Variants in GRIN2A observed in about 807,000 individuals in gnomAD.
GRIN2A encodes glutamate receptor ionotropic, NMDA 2A.
GRIN2A carries 22 observed loss-of-function variants against 113.4 expected under a neutral mutation model. That is an observed-to-expected ratio of 0.19 (90% CI 0.14 to 0.28). The LOEUF (loss-of-function observed/expected upper bound fraction) is 0.28. GRIN2A is among the 10% of genes least tolerant of loss of function. The pLI is 1.00. For synonymous variants in GRIN2A, 827 were observed against 738.4 expected, an observed-to-expected ratio of 1.12 and a Z score of -1.94; for missense variants, 1,502 against 1,887.0, an observed-to-expected ratio of 0.80 and a Z score of 3.78.
intron 7 of GRIN2A, among the ~76,000 whole-genome samples, chr16:9,835,999 T>G (rs1275351312): frequency 6.6e-6 from 1 of 152,232 alleles, no homozygotes; most frequent in African/African-American, 2.4e-5. Context: ...GAAATTTATT[T>G]TAACTTTAGC....
chr16:9,909,075 T>C (rs1175427873), intron 3 of GRIN2A, among the ~76,000 whole-genome samples: 2 of 152,150 alleles, frequency 1.3e-5, no homozygotes, highest in African/African-American at 4.8e-5. Flanking sequence ...AATGGACTTA[T>C]AATTCCATGT....
chr16:9,990,556 C>T (rs534686972), intron 2 of GRIN2A, among the ~76,000 whole-genome samples: 70 of 104,262 alleles, frequency 6.7e-4, no homozygotes, highest in South Asian at 1.6e-3. Context: ...CGCGCGCGCG[C>T]GCGCGCGCAC....
chr16:9,855,414 C>T (rs2042950937), intron 4 of GRIN2A, among the ~76,000 whole-genome samples: 1 of 152,152 alleles, frequency 6.6e-6, no homozygotes, highest in Non-Finnish European at 1.5e-5. Context: ...ATTTGTTAAA[C>T]TTATCTTCAG....
intron 2 of GRIN2A, among the ~76,000 whole-genome samples, chr16:10,044,018 TATATAGAG>T (rs2047214805): frequency 8.2e-6 from 1 of 121,384 alleles, no homozygotes; most frequent in Admixed American, 9.0e-5. Context: ...TATATATATA[TATATAGAG>T]AGAGAGAGAG....
intron 2 of GRIN2A, among the ~76,000 whole-genome samples, chr16:9,992,501 T>C (rs532365755): frequency 5.3e-5 from 8 of 152,328 alleles, no homozygotes; most frequent in African/African-American, 1.7e-4. Context: ...TATTTCTCAG[T>C]TCCCAAAGTT....
At chr16:10,147,146 G>T (rs1311550529) in intron 2 of GRIN2A, among the ~76,000 whole-genome samples, 1 of 152,054 alleles carries the variant, frequency 6.6e-6, no homozygotes, top group Non-Finnish European at 1.5e-5. Context: ...GTGTATGCCA[G>T]GCATAGTATT....
At chr16:10,150,550 C>A (rs779978171) in intron 2 of GRIN2A, among the ~76,000 whole-genome samples, 1 of 152,172 alleles carries the variant, frequency 6.6e-6, no homozygotes, top group Non-Finnish European at 1.5e-5. Flanking sequence ...TTTCCTCCCA[C>A]TTCCTATCTG....
intron 2 of GRIN2A, among the ~76,000 whole-genome samples, chr16:10,098,041 A>G (rs900569940): frequency 2.0e-4 from 31 of 152,176 alleles, no homozygotes; most frequent in Admixed American, 6.5e-4. Flanking sequence ...ACAACCATAC[A>G]TCCAAAGGAC....
intron 2 of GRIN2A, among the ~76,000 whole-genome samples, chr16:10,152,091 C>G (rs553052887): frequency 6.6e-6 from 1 of 152,302 alleles, no homozygotes; most frequent in African/African-American, 2.4e-5. Flanking sequence ...GCAGCAGCCA[C>G]CAGGGAAGCC....
Position 9,763,625 on chromosome 16 carries a change from G to T in GRIN2A, c.3919C>A (p.Pro1307Thr). ...DKPRELDLSR[P>T]SRSISLKDRE... ...TCCTTGAGGCTTATGCTCCGGGAGG[G>T]CCTGCTAAGGTCTAGCTCCCTAGGT... Residue 1307 changes from proline (P) to threonine (T), a missense_variant, in exon 13 of 13, where the codon CCC becomes ACC. Transcript: ENST00000330684. 1 of 1,613,240 alleles carries T rather than the reference G, an allele frequency of 6.2e-7. No homozygotes were observed. The highest frequency in any genetic ancestry group is 8.5e-7 in the Non-Finnish European group (1 of 1,179,996).
chr16:9,832,920 C>T (rs1293425987), intron 8 of GRIN2A, among the ~76,000 whole-genome samples: 3 of 152,124 alleles, frequency 2.0e-5, no homozygotes, highest in Admixed American at 6.5e-5. Flanking sequence ...AAACTAGGTT[C>T]CTAATAGATT....
chr16:10,179,338 G>A (rs559052567), intron 2 of GRIN2A, among the ~76,000 whole-genome samples: 8 of 152,282 alleles, frequency 5.3e-5, no homozygotes, highest in East Asian at 1.9e-4. Context: ...TCTGGGTTTG[G>A]AGTTAATTCT....
At chr16:10,082,855 C>G (rs2048010013) in intron 2 of GRIN2A, among the ~76,000 whole-genome samples, 3 of 152,346 alleles carry the variant, frequency 2.0e-5, no homozygotes, top group South Asian at 2.1e-4. Context: ...GAAACTAGCA[C>G]CAGACATTCT....
chr16:9,830,861 G>C (rs1204244858), intron 8 of GRIN2A, among the ~76,000 whole-genome samples: 13 of 152,196 alleles, frequency 8.5e-5, no homozygotes, highest in Admixed American at 8.5e-4. Context: ...TTATTCTCAA[G>C]AGGCAGGAAA....
At chr16:9,798,534 C>G (rs1903146161) in intron 10 of GRIN2A, 70 bp from the exon 11 acceptor site, 1 of 1,180,724 alleles carries the variant, frequency 8.5e-7, no homozygotes, top group Admixed American at 1.7e-5. Context: ...CTCCTGAGGC[C>G]TGATCCTGAA....
intron 6 of GRIN2A, 22 bp downstream of exon 6, chr16:9,840,914 A>G (rs752240218): frequency 5.0e-6 from 8 of 1,612,106 alleles, no homozygotes; most frequent in South Asian, 3.3e-5. Context: ...GTAAGAGCCT[A>G]GGGGATGAAA....
intron 2 of GRIN2A, among the ~76,000 whole-genome samples, chr16:10,113,297 C>T (rs1050688364): frequency 1.3e-5 from 2 of 152,188 alleles, no homozygotes; most frequent in Admixed American, 1.3e-4. Flanking sequence ...TCCCGGGCCG[C>T]TGCCCCCTCA....
intron 4 of GRIN2A, among the ~76,000 whole-genome samples, chr16:9,857,359 A>T (rs1481194642): frequency 6.6e-6 from 1 of 152,238 alleles, no homozygotes; most frequent in African/African-American, 2.4e-5. Flanking sequence ...GTCAGGTGTT[A>T]ATAATCAGAG....
chr16:9,905,614 G>A (rs2044011230), intron 3 of GRIN2A, among the ~76,000 whole-genome samples: 1 of 152,182 alleles, frequency 6.6e-6, no homozygotes, highest in South Asian at 2.1e-4. Flanking sequence ...TTCTATACCA[G>A]TACAGTTCAC....
Sources: gnomAD v4.1 joint callset for allele counts (sites outside exome capture counted in the v4.1 genomes callset) on GRCh38, gnomAD v4.1.1 for gene constraint, MANE v1.5 for transcripts, NCBI Gene and HGNC (gene_info 2026-07-23, HGNC 2026-07-21) for gene names.